The following GRK5 variants were observed in gnomAD, a reference collection of about 807,000 sequenced individuals.
GRK5 encodes G protein-coupled receptor kinase 5.
In GRK5, 40 loss-of-function variants were observed where a neutral mutation model predicts 78.4. That is an observed-to-expected ratio of 0.51 (90% CI 0.40 to 0.66). The LOEUF is 0.66. Among genes scored for constraint, GRK5 ranks in the 30% least tolerant of loss-of-function variants. The pLI is 0.00. For missense variants in GRK5, 598 were observed against 759.9 expected (o/e 0.79, Z 2.50); for synonymous variants, 289 against 296.8 (o/e 0.97, Z 0.27).
At chr10:119,320,767 C>G (rs566172072) in intron 1 of GRK5, among the ~76,000 whole-genome samples, 1 of 152,224 alleles carries the variant, frequency 6.6e-6, no homozygotes, top group African/African-American at 2.4e-5. Context: ...CCAAGGAGAA[C>G]GGGCTGAGCC....
chr10:119,292,620 G>C (rs745685082), intron 1 of GRK5, among the ~76,000 whole-genome samples: 2 of 152,190 alleles, frequency 1.3e-5, no homozygotes, highest in Non-Finnish European at 2.9e-5. Context: ...TTTTTCCTAG[G>C]TGTCTGTGAG....
chr10:119,296,396 T>A lies in GRK5; in HGVS notation c.53-30120T>A, dbSNP rs150789652. On this transcript the variant is annotated intron_variant, in intron 1 of 15. Coordinates refer to ENST00000392870, the MANE Select transcript of GRK5 (RefSeq NM_005308.3). ...GTGAATATTTGGCTTTTTCTGACTC[T>A]GTAGTTGAGGTGGACTCTGTCCACA... 3.3e-5 allele frequency among the ~76,000 whole-genome samples: 5 copies of A among 152,346 alleles called. No homozygotes were observed. The East Asian group carries it at 9.6e-4, about 29-fold the overall frequency.
Position 119,341,203 on chromosome 10 carries a change from G to C in GRK5, c.148+14592G>C, listed in dbSNP as rs1274586547. 2.0e-5 allele frequency among the ~76,000 whole-genome samples: 3 copies of C among 152,108 alleles called. No individual in the cohort carries two copies. The East Asian group carries it at 5.8e-4, about 29-fold the overall frequency. On this transcript the variant is annotated intron_variant, in intron 2 of 15. Coordinates refer to ENST00000392870, the MANE Select transcript of GRK5 (RefSeq NM_005308.3). The stretch of plus-strand genomic sequence containing the variant: ...CTGTGTCAGCTCCTTGCTCCCTCCA[G>C]GCGCACCTACTTCCAACCAAGCTCC...
At chr10:119,347,840 G>A (rs1851123506) in intron 2 of GRK5, among the ~76,000 whole-genome samples, 1 of 152,214 alleles carries the variant, frequency 6.6e-6, no homozygotes, top group Non-Finnish European at 1.5e-5. Flanking sequence ...TTCCCTGGGG[G>A]GCAGGGACAG....
Position 119,371,261 on chromosome 10 carries a change from G to C in GRK5, c.149-9554G>C, listed in dbSNP as rs1851542018. ...GCCGCCCACTCTCCCCTAGCCCGGT[G>C]GGAGGGCCTGGCTGTGCTCGGGCCC... On this transcript the variant is annotated intron_variant, in intron 2 of 15. Transcript: ENST00000392870. Among the ~76,000 whole-genome samples the C allele has an allele frequency of 2.0e-5, 3 of 152,200 alleles. No individual in the cohort carries two copies. In the South Asian group the frequency reaches 6.2e-4, roughly 32 times the overall value.
At chr10:119,377,174 C>T (rs1428959165) in intron 2 of GRK5, among the ~76,000 whole-genome samples, 2 of 152,206 alleles carry the variant, frequency 1.3e-5, no homozygotes, top group Non-Finnish European at 2.9e-5. Flanking sequence ...GGCCCCCTTC[C>T]AAGCTGGATT....
At position 119,267,467 on chromosome 10, in the gene GRK5, A is replaced by G. The variant is rs1301604471; in HGVS notation, c.53-59049A>G. Among the ~76,000 whole-genome samples, 2 of 152,196 alleles carry G rather than the reference A, an allele frequency of 1.3e-5. No homozygotes were observed. The highest frequency in any genetic ancestry group is 2.9e-5 in the Non-Finnish European group (2 of 68,036). ...GAGCTGGGGTCATACTTGTGGGGTC[A>G]TAACAGGGCCTTGGGCAGCAGACTC... On this transcript the variant is annotated intron_variant, in intron 1 of 15. Coordinates refer to ENST00000392870, the MANE Select transcript of GRK5 (RefSeq NM_005308.3). This position sits in a 1 kb window ranked among gnomAD's most constrained non-coding sequence, Gnocchi z 4.1.
At chr10:119,347,581 A>G (rs1365924017) in intron 2 of GRK5, among the ~76,000 whole-genome samples, 1 of 152,260 alleles carries the variant, frequency 6.6e-6, no homozygotes, top group African/African-American at 2.4e-5. Flanking sequence ...ATCAAGGGAA[A>G]TGACTCTGAC....
intron 1 of GRK5, among the ~76,000 whole-genome samples, chr10:119,281,489 G>A (rs1432857355): frequency 6.6e-6 from 1 of 152,188 alleles, no homozygotes; most frequent in Admixed American, 6.5e-5. Context: ...GGCCATGTCT[G>A]TGCACGGCTC....
intron 1 of GRK5, among the ~76,000 whole-genome samples, chr10:119,316,972 G>A (rs1259850316): frequency 2.0e-5 from 3 of 152,124 alleles, no homozygotes; most frequent in African/African-American, 7.2e-5. Context: ...TCTTGTTAGC[G>A]TAAACTCAGA....
intron 1 of GRK5, among the ~76,000 whole-genome samples, chr10:119,248,610 G>A (rs1849150729): frequency 1.3e-5 from 2 of 152,166 alleles, no homozygotes; most frequent in African/African-American, 4.8e-5. Flanking sequence ...GTGACCTAGG[G>A]CAGGGGGTGG....
intron 3 of GRK5, among the ~76,000 whole-genome samples, chr10:119,390,563 C>T (rs775503865): frequency 1.8e-4 from 27 of 152,110 alleles, no homozygotes; most frequent in Non-Finnish European, 1.0e-4. Flanking sequence ...GGCATGGTGG[C>T]GTGCGCCTGT....
At chr10:119,213,403 C>T (rs970469956) in intron 1 of GRK5, among the ~76,000 whole-genome samples, 18 of 152,092 alleles carry the variant, frequency 1.2e-4, no homozygotes, top group African/African-American at 3.6e-4. Context: ...CCCAGCTACT[C>T]GGAAAGCTGA....
chr10:119,208,678 T>G (rs1848430214), intron 1 of GRK5: 1 of 152,208 alleles, frequency 6.6e-6, no homozygotes, highest in Non-Finnish European at 1.5e-5. Context: ...TTAGATACGT[T>G]TTCTATGCAA....
intron 1 of GRK5, among the ~76,000 whole-genome samples, chr10:119,306,552 G>A (rs1440860144): frequency 2.0e-5 from 3 of 152,172 alleles, no homozygotes; most frequent in East Asian, 1.9e-4. Flanking sequence ...ATCACACAGC[G>A]AGGGAAGGAA....
intron 4 of GRK5, among the ~76,000 whole-genome samples, chr10:119,398,497 C>T (rs1255696805): frequency 2.0e-5 from 3 of 152,220 alleles, no homozygotes; most frequent in African/African-American, 7.2e-5. Context: ...TTCAGCTACC[C>T]TCTGCAGAGG....
chr10:119,419,359 C>G (rs1852525977), intron 4 of GRK5, among the ~76,000 whole-genome samples: 1 of 152,220 alleles, frequency 6.6e-6, no homozygotes, highest in African/African-American at 2.4e-5. Flanking sequence ...ACCAGACATC[C>G]TCTGGTTCCA....
intron 1 of GRK5, among the ~76,000 whole-genome samples, chr10:119,221,135 G>A (rs964007844): frequency 6.6e-6 from 1 of 151,928 alleles, no homozygotes; most frequent in Non-Finnish European, 1.5e-5. Context: ...CAGCCTGAGG[G>A]ACAAAGTAAA....
intron 9 of GRK5, among the ~76,000 whole-genome samples, chr10:119,437,634 A>T (rs1852948699): frequency 6.6e-6 from 1 of 152,172 alleles, no homozygotes; most frequent in African/African-American, 2.4e-5. Context: ...CTCTTTAGTG[A>T]TGAGGAATTT....
Sources: allele counts gnomAD v4.1 joint callset (sites outside exome capture counted in the v4.1 genomes callset), GRCh38; gene constraint gnomAD v4.1.1; non-coding constraint Gnocchi (gnomAD v3.1); transcripts MANE v1.5; gene names NCBI Gene and HGNC (gene_info 2026-07-23, HGNC 2026-07-21).